The following CSGALNACT1 variants were observed in gnomAD, a reference collection of about 807,000 sequenced individuals.
The protein encoded by CSGALNACT1 is beta4GalNAcT-1.
CSGALNACT1 carries 52 observed loss-of-function variants against 51.0 expected under a neutral mutation model. The observed-to-expected ratio is 1.02, with a 90% CI of 0.82 to 1.29. The LOEUF (loss-of-function observed/expected upper bound fraction) is 1.29, where lower values mean the gene tolerates loss of function less well. Among genes scored for constraint, CSGALNACT1 ranks in the 50% most tolerant of loss-of-function variants. CSGALNACT1 has a pLI of 0.00. For missense variants in CSGALNACT1, 935 were observed against 679.2 expected (o/e 1.38, Z -4.19); for synonymous variants, 341 against 254.4 (o/e 1.34, Z -3.24).
At chr8:19,471,601 G>C (rs934297001) in intron 4 of CSGALNACT1, among the ~76,000 whole-genome samples, 1 of 152,088 alleles carries the variant, frequency 6.6e-6, no homozygotes, top group South Asian at 2.1e-4. Context: ...GTAGGGGTTC[G>C]ACGCCGGTAA....
intron 3 of CSGALNACT1, among the ~76,000 whole-genome samples, chr8:19,564,821 T>C (rs1485922847): frequency 1.3e-5 from 2 of 152,194 alleles, no homozygotes; most frequent in African/African-American, 2.4e-5. Flanking sequence ...CCCATGAGAA[T>C]GTAAGCCCCA....
At chr8:19,543,574 G>A (rs2085750251) in intron 3 of CSGALNACT1, among the ~76,000 whole-genome samples, 1 of 152,140 alleles carries the variant, frequency 6.6e-6, no homozygotes, top group East Asian at 1.9e-4. Flanking sequence ...TTCCTAATAT[G>A]AACCCTAAAC....
chr8:19,520,246 A>T (rs1397277207), intron 3 of CSGALNACT1, among the ~76,000 whole-genome samples: 26 of 152,250 alleles, frequency 1.7e-4, no homozygotes, highest in Admixed American at 1.7e-3. Flanking sequence ...AGCTACATCA[A>T]CCAAGGCTTC....
At chr8:19,409,915 G>C (rs1198216042) in intron 8 of CSGALNACT1, among the ~76,000 whole-genome samples, 1 of 152,026 alleles carries the variant, frequency 6.6e-6, no homozygotes, top group Admixed American at 6.6e-5. Flanking sequence ...TCATCCCTTA[G>C]GTGTCTTTCA....
intron 3 of CSGALNACT1, among the ~76,000 whole-genome samples, chr8:19,530,564 G>A (rs1047663766): frequency 1.3e-5 from 2 of 152,050 alleles, no homozygotes; most frequent in Non-Finnish European, 2.9e-5. Context: ...CGATAGCACA[G>A]CAGAAAAAAG....
At chr8:19,652,635 T>C (rs554136063) in intron 1 of CSGALNACT1, among the ~76,000 whole-genome samples, 13 of 152,288 alleles carry the variant, frequency 8.5e-5, no homozygotes, top group Admixed American at 5.2e-4. Context: ...GACCATCTCC[T>C]TCTCTATCCA....
At chr8:19,563,750 A>G (rs10100589) in intron 3 of CSGALNACT1, among the ~76,000 whole-genome samples, 19,760 of 152,032 alleles carry the variant, frequency 0.13, 1,708 homozygotes, top group African/African-American at 0.24. Context: ...GCCTCCTAAC[A>G]CAAGTCTGCT....
chr8:19,534,640 C>A (rs1427614395), intron 3 of CSGALNACT1, among the ~76,000 whole-genome samples: 1 of 152,098 alleles, frequency 6.6e-6, no homozygotes, highest in Admixed American at 6.5e-5. Context: ...AGAACTATTT[C>A]TTGGCATGAC....
intron 1 of CSGALNACT1, among the ~76,000 whole-genome samples, chr8:19,721,755 T>C (rs1037379591): frequency 1.3e-5 from 2 of 152,216 alleles, no homozygotes; most frequent in African/African-American, 2.4e-5. Flanking sequence ...TGAGAACACA[T>C]TTATGCCTAA....
chr8:19,550,618 T>G (rs2087772495), intron 3 of CSGALNACT1, among the ~76,000 whole-genome samples: 2 of 152,206 alleles, frequency 1.3e-5, no homozygotes, highest in South Asian at 4.1e-4. Flanking sequence ...GATCCTCAAA[T>G]GTATAGTGAT....
In CSGALNACT1 at chr8:19,504,225, C is replaced by T. The variant is rs371816754; in HGVS notation, c.634+976G>A. ...CCAAGTAGCTGGGTCTACAGGCGCC[C>T]GCCACCAGGCCCGGCTAATTTTTTG... On this transcript the variant is annotated intron_variant, in intron 4 of 9. Transcript: ENST00000454498. Among the ~76,000 whole-genome samples the T allele has an allele frequency of 1.8e-4, 28 of 152,170 alleles. 1 individual carries two copies. In the East Asian group the frequency reaches 2.1e-3, roughly 12 times the overall value.
chr8:19,618,277 T>C (rs2053310846), intron 1 of CSGALNACT1, among the ~76,000 whole-genome samples: 1 of 152,108 alleles, frequency 6.6e-6, no homozygotes, highest in South Asian at 2.1e-4. Flanking sequence ...GCAAAATATA[T>C]ACCCTGAAAA....
At chr8:19,443,733 GC>G in intron 5 of CSGALNACT1, among the ~76,000 whole-genome samples, 1 of 152,310 alleles carries the variant, frequency 6.6e-6, no homozygotes, top group South Asian at 2.1e-4. Context: ...TGGGGATATA[GC>G]TAAACCATAT....
At chr8:19,420,387 T>A (rs758741884) in exon 7 of CSGALNACT1, 1 of 1,614,000 alleles carries the variant, frequency 6.2e-7, no homozygotes, top group African/African-American at 1.3e-5. Context: ...AGATGTGAAG[T>A]AGATGTCCAC....
intron 1 of CSGALNACT1, among the ~76,000 whole-genome samples, chr8:19,747,141 G>C (rs1400861357): frequency 6.6e-6 from 1 of 152,242 alleles, no homozygotes; most frequent in East Asian, 1.9e-4. Flanking sequence ...TACCCTCTGT[G>C]CACCAGTAAA....
At chr8:19,611,590 G>A (rs1213661720) in intron 1 of CSGALNACT1, among the ~76,000 whole-genome samples, 1 of 152,164 alleles carries the variant, frequency 6.6e-6, no homozygotes, top group Admixed American at 6.5e-5. Flanking sequence ...CATCCCAGTG[G>A]TGGAGCTGGG....
chr8:19,609,647 G>A (rs1485743118), intron 1 of CSGALNACT1, among the ~76,000 whole-genome samples: 1 of 151,362 alleles, frequency 6.6e-6, no homozygotes, highest in East Asian at 2.0e-4. Flanking sequence ...TTCACCTGGG[G>A]ATGGGGGTTG....
intron 1 of CSGALNACT1, among the ~76,000 whole-genome samples, chr8:19,696,317 T>A (rs1037496665): frequency 2.0e-5 from 3 of 152,226 alleles, no homozygotes; most frequent in Non-Finnish European, 2.9e-5. Flanking sequence ...GTGTCATATT[T>A]TTTTAAGTCA....
chr8:19,684,749 G>A (rs755040348), upstream of CSGALNACT1, among the ~76,000 whole-genome samples: 17 of 152,110 alleles, frequency 1.1e-4, no homozygotes, highest in South Asian at 8.3e-4. Context: ...AAGCCTCTCC[G>A]TGTAAGCCTT....
Sources: allele counts gnomAD v4.1 joint callset (sites outside exome capture counted in the v4.1 genomes callset), GRCh38; gene constraint gnomAD v4.1.1; transcripts MANE v1.5; gene names NCBI Gene and HGNC (gene_info 2026-07-23, HGNC 2026-07-21).